Variants in PYGO1 observed in about 807,000 individuals in gnomAD.
PYGO1 encodes pygopus family PHD finger 1, also known as pygopus homolog 1.
A neutral mutation model predicts 29.5 loss-of-function variants in PYGO1; 6 were observed. The ratio of observed to expected loss-of-function variants is 0.20; its 90% CI spans 0.11 to 0.40. The LOEUF (loss-of-function observed/expected upper bound fraction) is 0.40, where lower values mean the gene tolerates loss of function less well. Ranked by LOEUF, PYGO1 falls within the 10% of genes least tolerant of loss-of-function variation. The pLI, the probability that PYGO1 is intolerant of heterozygous loss-of-function variation, is 1.00. For synonymous variants in PYGO1, 186 were observed against 180.5 expected, an observed-to-expected ratio of 1.03 and a Z score of -0.24; for missense variants, 515 against 514.9, an observed-to-expected ratio of 1.00 and a Z score of 0.00.
intron 1 of PYGO1, among the ~76,000 whole-genome samples, chr15:55,555,201 A>G (rs576624062): frequency 6.6e-6 from 1 of 152,166 alleles, no homozygotes; most frequent in Non-Finnish European, 1.5e-5. Flanking sequence ...TTGAGGACCA[A>G]TGTTCAACAT....
rs2058853480 is a variant in PYGO1, at chr15:55,546,791, T to C, written c.492A>G (p.Ala164=). ...TAGGCATGTTGACATTCTGACTTAG[T>C]GCATTATTATAAGATGGATTACCGA... ...SSFGNPSYNN[A]LSQNVNMPNQ... Residue 164 remains alanine, a synonymous_variant, in exon 3 of 3, where the codon GCA becomes GCG. Coordinates refer to ENST00000563719, the MANE Select transcript of PYGO1 (RefSeq NM_001367806.1). 6.2e-7 allele frequency: 1 copy of C among 1,614,092 alleles called. No homozygotes were observed. Among genetic ancestry groups the C allele is most frequent in the African/African-American group, 1.3e-5 (1 of 75,044 alleles).
rs986057992 is a variant in PYGO1 at position 55,545,962 on chromosome 15, C to T, written c.*61G>A. On this transcript the variant is annotated 3_prime_UTR_variant, in exon 3 of 3. Transcript: ENST00000563719. The stretch of plus-strand genomic sequence containing the variant: ...AAAAATAATGTAAAACATTAAAATC[C>T]TGTGTCAATGAACTTCTGCAATGCA... 3.5e-6 allele frequency: 5 copies of T among 1,440,698 alleles called. No homozygotes were observed. Among genetic ancestry groups the T allele is most frequent in the Non-Finnish European group, 4.7e-6 (5 of 1,069,604 alleles). 89.2% of individuals were successfully genotyped at this position (1,440,698 alleles called of 1,614,324 possible). A position where few individuals can be genotyped will look rare whatever the true frequency, so the allele number is the denominator to read the frequency against.
chr15:55,547,568 C>T (rs1267647212), intron 2 of PYGO1, among the ~76,000 whole-genome samples: 1 of 152,202 alleles, frequency 6.6e-6, no homozygotes, highest in Non-Finnish European at 1.5e-5. Flanking sequence ...TAACAACAAT[C>T]AGAATCTAAG....
chr15:55,576,052 T>C (rs1195247581), intron 1 of PYGO1, among the ~76,000 whole-genome samples: 1 of 152,216 alleles, frequency 6.6e-6, no homozygotes, highest in Non-Finnish European at 1.5e-5. Context: ...TAAAAATAAC[T>C]GGTGTGGTTT....
intron 1 of PYGO1, among the ~76,000 whole-genome samples, chr15:55,587,043 AGT>A (rs1567062082): frequency 6.6e-6 from 1 of 152,248 alleles, no homozygotes; most frequent in Non-Finnish European, 1.5e-5. Context: ...CTTAATGAAC[AGT>A]GAGTACTACT....
rs1189107852 is a variant in PYGO1 at position 55,544,290 on chromosome 15, C to T, written c.*1733G>A. The T allele has an allele frequency of 6.6e-6, 1 of 152,170 alleles. No individual in the cohort carries two copies. Among genetic ancestry groups the T allele is most frequent in the Non-Finnish European group, 1.5e-5 (1 of 68,010 alleles). 9.4% of individuals were successfully genotyped at this position (152,170 alleles called of 1,614,324 possible). On this transcript the variant is annotated 3_prime_UTR_variant, in exon 3 of 3. Coordinates refer to ENST00000563719, the MANE Select transcript of PYGO1 (RefSeq NM_001367806.1). ...TTTCTTCCAACAGAATATTAAAGGT[C>T]TAACTTTTATAAAATTCATCATTTG... is the stretch of plus-strand genomic sequence containing the variant.
intron 1 of PYGO1, among the ~76,000 whole-genome samples, chr15:55,567,473 G>A (rs1028448072): frequency 2.6e-5 from 4 of 151,878 alleles, no homozygotes; most frequent in Admixed American, 2.6e-4. Flanking sequence ...TTTTTGGCTT[G>A]TTCAATGGTT....
chr15:55,569,271 G>A (rs1212824220), intron 1 of PYGO1, among the ~76,000 whole-genome samples: 1 of 152,028 alleles, frequency 6.6e-6, no homozygotes, highest in Non-Finnish European at 1.5e-5. Context: ...GGATTTTGGT[G>A]TCTCAATTTG....
At chr15:55,554,440 G>C (rs1199893232) in intron 1 of PYGO1, among the ~76,000 whole-genome samples, 6 of 139,850 alleles carry the variant, frequency 4.3e-5, no homozygotes, top group African/African-American at 1.6e-4. Context: ...CTGCACTCCA[G>C]TCTGGGTGAC....
chr15:55,576,142 A>G (rs967143848), intron 1 of PYGO1, among the ~76,000 whole-genome samples: 3 of 152,328 alleles, frequency 2.0e-5, no homozygotes, highest in Admixed American at 2.0e-4. Context: ...AACATCAATA[A>G]AGCTGTTAAA....
In PYGO1 at chr15:55,545,937, A is replaced by G. The variant is rs2058847678; in HGVS notation, c.*86T>C. On this transcript the variant is annotated 3_prime_UTR_variant, in exon 3 of 3. Coordinates refer to ENST00000563719, the MANE Select transcript of PYGO1 (RefSeq NM_001367806.1). ...ATAATGTTTTTGTGTATGCATTTAA[A>G]AAAATAATGTAAAACATTAAAATCC... 1 of 1,398,042 alleles carries G rather than the reference A, an allele frequency of 7.2e-7. No homozygotes were observed. Among genetic ancestry groups the G allele is most frequent in the Admixed American group, 2.3e-5 (1 of 42,596 alleles). 86.6% of individuals were successfully genotyped at this position (1,398,042 alleles called of 1,614,324 possible).
At position 55,546,239 on chromosome 15, in the gene PYGO1, G is replaced by A. The variant is rs190760141; in HGVS notation, c.1044C>T (p.Asn348=). 27 of 1,614,130 alleles carry A rather than the reference G, an allele frequency of 1.7e-5. No individual in the cohort carries two copies. In the Admixed American group the frequency reaches 2.0e-4, roughly 12 times the overall value. Residue 348 remains asparagine, a synonymous_variant, in exon 3 of 3, where the codon AAC becomes AAT. Transcript: ENST00000563719. ...TGGCATCCTGATCATCGTTCACCTCGTTTGTACAAATTCCACAAGGATACA... is the reference window on the plus strand; with the variant it reads ...TGGCATCCTGATCATCGTTCACCTCATTTGTACAAATTCCACAAGGATACA... ...DPVYPCGICT[N]EVNDDQDAIL...
At chr15:55,569,287 T>C (rs754710083) in intron 1 of PYGO1, among the ~76,000 whole-genome samples, 1 of 152,224 alleles carries the variant, frequency 6.6e-6, no homozygotes, top group Non-Finnish European at 1.5e-5. Flanking sequence ...ATTTGTTATA[T>C]TCAGCTCTGA....
Position 55,546,927 on chromosome 15 carries a change from C to T in PYGO1, c.356G>A (p.Cys119Tyr), listed in dbSNP as rs1381650620. 6.2e-7 allele frequency: 1 copy of T among 1,613,932 alleles called. No homozygotes were observed. Among genetic ancestry groups the T allele is most frequent in the African/African-American group, 1.3e-5 (1 of 74,866 alleles). The stretch of plus-strand genomic sequence containing the variant: ...CTGGTTCCTGAGTGAGTAAGGACCA[C>T]AGTATGGGGAAGACATTCTTGGGGG... The part of the protein sequence containing the change: ...HVPPRMSSPY[C>Y]GPYSLRNQPH... The change falls in exon 3 of 3, where the codon TGT (cysteine) becomes TAT (tyrosine). Residue 119 changes from cysteine to tyrosine, a missense_variant. Transcript: ENST00000563719.
At chr15:55,588,745 G>A (rs1026444722), upstream of PYGO1, 3 of 1,564,010 alleles carry the variant, frequency 1.9e-6, no homozygotes, top group South Asian at 1.1e-5. Context: ...GAACTTCGTC[G>A]GAGGCCACAG....
intron 1 of PYGO1, among the ~76,000 whole-genome samples, chr15:55,551,400 C>A (rs1456395354): frequency 6.6e-6 from 1 of 152,196 alleles, no homozygotes; most frequent in African/African-American, 2.4e-5. Flanking sequence ...AGAGGGAACA[C>A]TTCCTAACTC....
chr15:55,577,340 G>A (rs1256768121), intron 1 of PYGO1, among the ~76,000 whole-genome samples: 2 of 152,172 alleles, frequency 1.3e-5, no homozygotes, highest in African/African-American at 4.8e-5. Flanking sequence ...ATTAGTTGAT[G>A]TCTCACGTCT....
chr15:55,570,892 A>T (rs963136070), intron 1 of PYGO1, among the ~76,000 whole-genome samples: 11 of 152,176 alleles, frequency 7.2e-5, no homozygotes, highest in Non-Finnish European at 1.6e-4. Flanking sequence ...AGTAAAACAC[A>T]TATATAATTT....
intron 1 of PYGO1, among the ~76,000 whole-genome samples, chr15:55,560,432 T>C (rs879864761): frequency 2.0e-5 from 3 of 151,984 alleles, no homozygotes; most frequent in African/African-American, 4.8e-5. Flanking sequence ...CCATTCACAA[T>C]TGCTAGAGAG....
Sources: gnomAD v4.1 joint callset for allele counts (sites outside exome capture counted in the v4.1 genomes callset) on GRCh38, gnomAD v4.1.1 for gene constraint, MANE v1.5 for transcripts, NCBI Gene and HGNC (gene_info 2026-07-23, HGNC 2026-07-21) for gene names.